The following CUX1 variants were observed in gnomAD, a reference collection of about 807,000 sequenced individuals.
CUX1 encodes the protein protein CASP.
In CUX1, 31 loss-of-function variants were observed where a neutral mutation model predicts 158.8. The ratio of observed to expected loss-of-function variants is 0.20; its 90% CI spans 0.15 to 0.26. CUX1 has a LOEUF of 0.26. CUX1 is among the 10% of genes least tolerant of loss of function. The probability of loss-of-function intolerance (pLI) is 1.00; values close to 1 mark genes in which losing one functional copy is unlikely to be tolerated. For synonymous variants in CUX1, 879 were observed against 862.1 expected (o/e 1.02, Z -0.34); for missense variants, 1,589 against 2,014.6 (o/e 0.79, Z 4.04).
intron 1 of CUX1, among the ~76,000 whole-genome samples, chr7:101,899,209 C>T (rs183059242): frequency 8.5e-5 from 13 of 152,300 alleles, no homozygotes; most frequent in African/African-American, 2.9e-4. Flanking sequence ...CGGCCTTTTG[C>T]CCTTCAAACC....
chr7:101,910,729 C>G lies in CUX1; in HGVS notation c.31-5386C>G, dbSNP rs1469651553. ...ACCAGCGCACCCCAGCCTGGGCGAC[C>G]GAGCAAGACTGTCTCAAAAAAAAAA... On this transcript the variant is annotated intron_variant, in intron 1 of 23. Transcript: ENST00000292535. 2.1e-5 allele frequency among the ~76,000 whole-genome samples: 3 copies of G among 145,826 alleles called. No individual in the cohort carries two copies. The South Asian group carries it at 6.6e-4, about 32-fold the overall frequency.
intron 1 of CUX1, among the ~76,000 whole-genome samples, chr7:101,862,899 ATT>A (rs11306288): frequency 1.2e-3 from 179 of 149,238 alleles, no homozygotes; most frequent in Middle Eastern, 6.8e-3. Flanking sequence ...CATTTCATGT[ATT>A]TTTTTTTTTT....
At chr7:101,967,171 T>C (rs1811328662) in intron 2 of CUX1, among the ~76,000 whole-genome samples, 1 of 151,978 alleles carries the variant, frequency 6.6e-6, no homozygotes, top group Non-Finnish European at 1.5e-5. Flanking sequence ...CCTCCACTTA[T>C]GCCCAGGTAA....
intron 20 of CUX1, among the ~76,000 whole-genome samples, chr7:102,221,663 A>T (rs536227637): frequency 1.8e-3 from 269 of 150,070 alleles, no homozygotes; most frequent in Middle Eastern, 0.014. Flanking sequence ...TGTATCTCAG[A>T]GGGCCTTGAG....
chr7:102,229,369 C>G (rs1457517708), intron 21 of CUX1, among the ~76,000 whole-genome samples: 2 of 150,790 alleles, frequency 1.3e-5, no homozygotes, highest in Admixed American at 1.3e-4. Context: ...GTGGCGCAAC[C>G]TCAGCTTACT....
In CUX1 at chr7:102,228,177, T is replaced by C. The variant is rs574157327; in HGVS notation, c.3433+508T>C. Reference sequence around the variant, plus strand: ...TGTTGGCCAGGCTGGTCTCGAACTCTTGGCCTCAAGCAATCTGCCCACCTC... The same window carrying C: ...TGTTGGCCAGGCTGGTCTCGAACTCCTGGCCTCAAGCAATCTGCCCACCTC... On this transcript the variant is annotated intron_variant, in intron 21 of 23. Coordinates refer to ENST00000292535, the MANE Select transcript of CUX1 (RefSeq NM_181552.4). 4.6e-5 allele frequency among the ~76,000 whole-genome samples: 7 copies of C among 151,222 alleles called. No individual in the cohort carries two copies. In the East Asian group the frequency reaches 1.4e-3, roughly 30 times the overall value.
chr7:101,961,191 C>T (rs1810442895), intron 2 of CUX1: 1 of 152,180 alleles, frequency 6.6e-6, no homozygotes, highest in Non-Finnish European at 1.5e-5. Context: ...GGGAGCCACT[C>T]ACCGGGAGAG....
chr7:101,937,589 C>T (rs1017765419), intron 2 of CUX1, among the ~76,000 whole-genome samples: 13 of 151,968 alleles, frequency 8.6e-5, no homozygotes, highest in African/African-American at 3.1e-4. Context: ...TGGCCCATTG[C>T]AACCCCTGCC....
At position 102,252,204 on chromosome 7, in the gene CUX1, C is replaced by G; in HGVS notation, c.*3162C>G. 1 of 985,456 alleles carries G rather than the reference C, an allele frequency of 1.0e-6. No individual in the cohort carries two copies. Among genetic ancestry groups the G allele is most frequent in the Non-Finnish European group, 1.2e-6 (1 of 829,936 alleles). The allele number at this position is 985,456 out of a possible 1,614,324, so 61.0% of individuals were successfully genotyped here. ...TCTGTAATACTTCTAAGAGCTGCCA[C>G]TAAAATAATACAGCAATCCGTGGCC... On this transcript the variant is annotated 3_prime_UTR_variant, in exon 24 of 24. Coordinates refer to ENST00000292535, the MANE Select transcript of CUX1 (RefSeq NM_181552.4).
Position 102,097,465 on chromosome 7 carries a change from G to A in CUX1, c.370G>A (p.Glu124Lys), listed in dbSNP as rs1563237108. The A allele has an allele frequency of 5.0e-6, 8 of 1,612,396 alleles. No homozygotes were observed. Among genetic ancestry groups the A allele is most frequent in the Non-Finnish European group, 5.9e-6 (7 of 1,179,660 alleles). Residue 124 changes from glutamate to lysine, a missense_variant, in exon 5 of 24, where the codon GAA becomes AAA. Physicochemically the swap from Glu to Lys is moderately conservative, Grantham distance 56. Around this residue, in one of 8 missense-constraint regions of CUX1, gnomAD observed 515 missense variants for 574.4 expected, o/e 0.90. Coordinates refer to ENST00000292535, the MANE Select transcript of CUX1 (RefSeq NM_181552.4). The part of the protein sequence containing the change: ...ENQKLRETLE[E>K]YNKEFAEVKN... Reference sequence around the variant, plus strand: ...CCAGAAACTTAGGGAAACTCTGGAAGAATACAACAAGGAATTTGCTGAAGT... The same window carrying A: ...CCAGAAACTTAGGGAAACTCTGGAAAAATACAACAAGGAATTTGCTGAAGT...
At chr7:102,273,418 T>A (rs149786604) in exon 15 of CUX1, 2 of 1,613,142 alleles carry the variant, frequency 1.2e-6, no homozygotes, top group African/African-American at 1.3e-5. Flanking sequence ...CCACAGCCAC[T>A]GAGCAGAGAG....
At chr7:101,838,295 A>G (rs1371716304) in intron 1 of CUX1, among the ~76,000 whole-genome samples, 1 of 151,268 alleles carries the variant, frequency 6.6e-6, no homozygotes, top group African/African-American at 2.4e-5. Flanking sequence ...ATGCCCGGCT[A>G]ATTTTTATAT....
At chr7:102,013,026 T>A (rs1818206085) in intron 2 of CUX1, among the ~76,000 whole-genome samples, 1 of 151,772 alleles carries the variant, frequency 6.6e-6, no homozygotes, top group Non-Finnish European at 1.5e-5. Flanking sequence ...TACGGCCCTG[T>A]GGTGTTCGCT....
intron 2 of CUX1, among the ~76,000 whole-genome samples, chr7:101,951,323 A>G (rs1003487170): frequency 1.3e-5 from 2 of 151,272 alleles, no homozygotes; most frequent in East Asian, 2.0e-4. Flanking sequence ...AGGGTGAGAC[A>G]CTGTCTCAAA....
At chr7:101,856,564 G>A (rs1050974042) in intron 1 of CUX1, among the ~76,000 whole-genome samples, 2 of 152,188 alleles carry the variant, frequency 1.3e-5, no homozygotes, top group African/African-American at 2.4e-5. Flanking sequence ...GACAGACAAA[G>A]CCACGCAATC....
In CUX1 at chr7:102,206,966, T is replaced by C. The variant is rs572831886; in HGVS notation, c.3130+1796T>C. Among the ~76,000 whole-genome samples the C allele has an allele frequency of 1.2e-4, 18 of 152,284 alleles. No homozygotes were observed. The South Asian group carries it at 3.5e-3, about 30-fold the overall frequency. Reference sequence around the variant, plus strand: ...CCCCTGGTGCCAGGCCTGCTAATGATCGATGCCAGAAGCAACTTCTATGTG... The same window carrying C: ...CCCCTGGTGCCAGGCCTGCTAATGACCGATGCCAGAAGCAACTTCTATGTG... On this transcript the variant is annotated intron_variant, in intron 20 of 23. Transcript: ENST00000292535.
intron 2 of CUX1, among the ~76,000 whole-genome samples, chr7:102,024,806 C>T (rs1360297389): frequency 8.5e-5 from 13 of 152,166 alleles, no homozygotes; most frequent in Admixed American, 2.6e-4. Flanking sequence ...ATATGTTGTC[C>T]TCTACCTTTC....
chr7:101,849,643 A>G (rs545771477), intron 1 of CUX1, among the ~76,000 whole-genome samples: 1 of 152,136 alleles, frequency 6.6e-6, no homozygotes, highest in African/African-American at 2.4e-5. Context: ...GTGAACATAC[A>G]TATGCATTTA....
At chr7:102,096,935 C>G (rs781810564) in intron 4 of CUX1, among the ~76,000 whole-genome samples, 12 of 152,340 alleles carry the variant, frequency 7.9e-5, no homozygotes, top group Admixed American at 2.6e-4. Context: ...TCACTTCCAG[C>G]CTCATAATCA....
Sources: allele counts gnomAD v4.1 joint callset (sites outside exome capture counted in the v4.1 genomes callset), GRCh38; gene constraint gnomAD v4.1.1; regional missense constraint gnomAD v4.1.1; transcripts MANE v1.5; gene names NCBI Gene and HGNC (gene_info 2026-07-23, HGNC 2026-07-21).